ADAMTS17: variants seen among roughly 807,000 people sequenced by gnomAD.
ADAMTS17 encodes the protein ADAM metallopeptidase with thrombospondin type 1 motif 17.
ADAMTS17 carries 113 observed loss-of-function variants against 141.5 expected under a neutral mutation model. That is an observed-to-expected ratio of 0.80 (90% CI 0.69 to 0.93). ADAMTS17 has a LOEUF of 0.93. ADAMTS17 is among the 40% of genes least tolerant of loss of function. The probability of loss-of-function intolerance (pLI) is 0.00; values close to 1 mark genes in which losing one functional copy is unlikely to be tolerated. For synonymous variants in ADAMTS17, 768 were observed against 630.6 expected, an observed-to-expected ratio of 1.22 and a Z score of -3.27; for missense variants, 1,659 against 1,517.9, an observed-to-expected ratio of 1.09 and a Z score of -1.54.
At chr15:100,160,342 C>A (rs563809712) in intron 8 of ADAMTS17, among the ~76,000 whole-genome samples, 3 of 152,296 alleles carry the variant, frequency 2.0e-5, no homozygotes, top group East Asian at 1.9e-4. Context: ...TGCTCCCATT[C>A]TCCCTGGCTG....
intron 10 of ADAMTS17, among the ~76,000 whole-genome samples, chr15:100,138,707 A>G (rs2038463326): frequency 6.6e-6 from 1 of 152,246 alleles, no homozygotes; most frequent in South Asian, 2.1e-4. Flanking sequence ...AGAGTTGGGC[A>G]GAGACAATAT....
At chr15:100,259,915 G>C (rs1015929898) in intron 6 of ADAMTS17, among the ~76,000 whole-genome samples, 1 of 152,218 alleles carries the variant, frequency 6.6e-6, no homozygotes, top group East Asian at 1.9e-4. Context: ...CATGATCTCA[G>C]TTCACTGTAA....
At chr15:100,193,422 T>C (rs2040992091) in intron 8 of ADAMTS17, among the ~76,000 whole-genome samples, 2 of 152,108 alleles carry the variant, frequency 1.3e-5, no homozygotes, top group South Asian at 2.1e-4. Flanking sequence ...ACAGCCGGGC[T>C]CAGCACTGGG....
intron 15 of ADAMTS17, among the ~76,000 whole-genome samples, chr15:100,080,856 C>T (rs746138671): frequency 6.6e-6 from 1 of 152,020 alleles, no homozygotes; most frequent in African/African-American, 2.4e-5. Context: ...TCTGGTTGTA[C>T]GAAGGATAGC....
chr15:100,231,558 A>T (rs2042482177), intron 7 of ADAMTS17, among the ~76,000 whole-genome samples: 1 of 152,160 alleles, frequency 6.6e-6, no homozygotes, highest in South Asian at 2.1e-4. Context: ...GACCGCCTGT[A>T]ATCAAATCCT....
chr15:100,160,208 C>T (rs938513476), intron 8 of ADAMTS17, among the ~76,000 whole-genome samples: 2 of 152,166 alleles, frequency 1.3e-5, no homozygotes, highest in African/African-American at 4.8e-5. Context: ...AACCTCTTTC[C>T]CTACCTTGGC....
At chr15:100,021,627 C>G (rs190939876) in intron 18 of ADAMTS17, among the ~76,000 whole-genome samples, 29 of 152,348 alleles carry the variant, frequency 1.9e-4, no homozygotes, top group African/African-American at 6.5e-4. Flanking sequence ...TGATGATTTA[C>G]TCATTCGTTC....
At chr15:100,109,721 G>A (rs2036632594) in intron 13 of ADAMTS17, among the ~76,000 whole-genome samples, 2 of 152,114 alleles carry the variant, frequency 1.3e-5, no homozygotes, top group South Asian at 4.2e-4. Flanking sequence ...AGGCAGGATG[G>A]AAACCTGGGT....
At chr15:100,263,927 C>T (rs952264381) in intron 4 of ADAMTS17, among the ~76,000 whole-genome samples, 5 of 152,210 alleles carry the variant, frequency 3.3e-5, no homozygotes, top group African/African-American at 7.2e-5. Flanking sequence ...CGAGTGGAGC[C>T]GCTCAACACG....
chr15:99,994,926 G>A (rs1238527789), intron 19 of ADAMTS17, among the ~76,000 whole-genome samples: 2 of 152,208 alleles, frequency 1.3e-5, no homozygotes, highest in Non-Finnish European at 1.5e-5. Flanking sequence ...TTCTTTCAAG[G>A]CTAATTAAGG....
chr15:100,293,572 T>C (rs1446299824), intron 3 of ADAMTS17, among the ~76,000 whole-genome samples: 3 of 152,204 alleles, frequency 2.0e-5, no homozygotes, highest in Non-Finnish European at 2.9e-5. Context: ...TCACCCAGTG[T>C]GCCCCAGGAT....
At chr15:100,308,499 C>A (rs1039305733) in intron 3 of ADAMTS17, among the ~76,000 whole-genome samples, 1 of 152,240 alleles carries the variant, frequency 6.6e-6, no homozygotes, top group African/African-American at 2.4e-5. Flanking sequence ...CTTGCTACAA[C>A]TTGAACAGCT....
chr15:99,996,490 C>T (rs35352622), intron 19 of ADAMTS17, among the ~76,000 whole-genome samples: 1 of 152,158 alleles, frequency 6.6e-6, no homozygotes, highest in Non-Finnish European at 1.5e-5. Context: ...CTCTCTTTTC[C>T]TAAAATATCA....
chr15:100,086,049 A>G (rs13380020), intron 15 of ADAMTS17, among the ~76,000 whole-genome samples: 69,018 of 147,568 alleles, frequency 0.47, 17,247 homozygotes, highest in African/African-American at 0.63. Context: ...GACACAGACT[A>G]GCAAACTGGA....
intron 3 of ADAMTS17, among the ~76,000 whole-genome samples, chr15:100,290,750 T>G (rs2044600644): frequency 6.6e-6 from 1 of 152,128 alleles, no homozygotes; most frequent in African/African-American, 2.4e-5. Flanking sequence ...AAACAAGCAC[T>G]AGGGAAAGGA....
At chr15:100,332,475 C>G (rs1398697575) in intron 2 of ADAMTS17, among the ~76,000 whole-genome samples, 2 of 152,264 alleles carry the variant, frequency 1.3e-5, no homozygotes, top group African/African-American at 4.8e-5. Flanking sequence ...ACGCTTCACT[C>G]TAATGAGGGG....
At chr15:100,132,798 C>T (rs576813077) in intron 11 of ADAMTS17, among the ~76,000 whole-genome samples, 6 of 152,184 alleles carry the variant, frequency 3.9e-5, no homozygotes, top group Non-Finnish European at 7.3e-5. Flanking sequence ...CAACACCTCC[C>T]CATCTCTCCT....
intron 6 of ADAMTS17, among the ~76,000 whole-genome samples, chr15:100,255,491 C>T (rs992196566): frequency 6.6e-6 from 1 of 152,114 alleles, no homozygotes; most frequent in Non-Finnish European, 1.5e-5. Context: ...AAGCAATAGG[C>T]GATAGAAGCA....
rs73470026 is a variant in ADAMTS17, at chr15:100,136,475, T to C, written c.1474-3160A>G. ...ACAGATGCGGTGACTACACGAATGC[T>C]TGTCATCACCTTGATGCCTTCTAGA... On this transcript the variant is annotated intron_variant, in intron 10 of 21. Coordinates refer to ENST00000268070, the MANE Select transcript of ADAMTS17 (RefSeq NM_139057.4). Among the ~76,000 whole-genome samples, 344 of 152,344 alleles carry C rather than the reference T, an allele frequency of 2.3e-3. 1 individual carries two copies. The highest frequency in any genetic ancestry group is 8.0e-3 in the African/African-American group (333 of 41,592).
Sources: gnomAD v4.1 joint callset for allele counts (sites outside exome capture counted in the v4.1 genomes callset) on GRCh38, gnomAD v4.1.1 for gene constraint, MANE v1.5 for transcripts, NCBI Gene and HGNC (gene_info 2026-07-23, HGNC 2026-07-21) for gene names.